The following MOB3B variants were observed in gnomAD, a reference collection of about 807,000 sequenced individuals.
MOB3B encodes MOB kinase activator 3B.
Under a neutral mutation model 18.7 loss-of-function variants are expected in MOB3B, and 7 were observed. The ratio of observed to expected loss-of-function variants is 0.37; its 90% CI spans 0.21 to 0.70. MOB3B has a LOEUF of 0.70. Ranked by LOEUF, MOB3B falls within the 30% of genes least tolerant of loss-of-function variation. The pLI, the probability that MOB3B is intolerant of heterozygous loss-of-function variation, is 0.52. For missense variants in MOB3B, 253 were observed against 281.3 expected (o/e 0.90, Z 0.72); for synonymous variants, 111 against 99.9 (o/e 1.11, Z -0.66).
intron 2 of MOB3B, among the ~76,000 whole-genome samples, chr9:27,389,605 ATTCTGTCTTTATT>A (rs1226586433): frequency 6.6e-6 from 1 of 152,006 alleles, no homozygotes; most frequent in Admixed American, 6.5e-5. Flanking sequence ...CACTAGTTGT[ATTCTGTCTTTATT>A]TTCTAGCTTC....
chr9:27,415,518 T>A (rs1243032807), intron 2 of MOB3B, among the ~76,000 whole-genome samples: 1 of 152,202 alleles, frequency 6.6e-6, no homozygotes, highest in Non-Finnish European at 1.5e-5. Flanking sequence ...CCATTCATTA[T>A]TCTTCTCTGT....
chr9:27,357,697 T>C (rs1821211976), intron 3 of MOB3B, among the ~76,000 whole-genome samples: 1 of 151,184 alleles, frequency 6.6e-6, no homozygotes, highest in Non-Finnish European at 1.5e-5. Context: ...TTGGGATGAG[T>C]ATAACAAATT....
chr9:27,508,047 G>T (rs1260765881), intron 1 of MOB3B, among the ~76,000 whole-genome samples: 1 of 152,152 alleles, frequency 6.6e-6, no homozygotes, highest in African/African-American at 2.4e-5. Flanking sequence ...GGTACCAATA[G>T]TGAATTGCTA....
chr9:27,434,385 T>G (rs1181257026), intron 2 of MOB3B, among the ~76,000 whole-genome samples: 2 of 152,134 alleles, frequency 1.3e-5, no homozygotes, highest in Non-Finnish European at 2.9e-5. Flanking sequence ...TTACCAACAA[T>G]TCCCCTTTCT....
At chr9:27,525,031 T>G in intron 1 of MOB3B, 1 of 1,295,996 alleles carries the variant, frequency 7.7e-7, no homozygotes, top group Non-Finnish European at 1.0e-6. Flanking sequence ...CCAACTTCTT[T>G]TTAAGGATTG....
intron 2 of MOB3B, among the ~76,000 whole-genome samples, chr9:27,359,800 G>A (rs1463762426): frequency 6.6e-6 from 1 of 152,174 alleles, no homozygotes; most frequent in African/African-American, 2.4e-5. Flanking sequence ...GAAAGGGTGA[G>A]TGGTCATCGA....
At chr9:27,514,843 C>T (rs866163389) in intron 1 of MOB3B, among the ~76,000 whole-genome samples, 12 of 152,222 alleles carry the variant, frequency 7.9e-5, no homozygotes, top group African/African-American at 2.9e-4. Flanking sequence ...GCAGCCTACA[C>T]AGAGGGAAGT....
chr9:27,471,947 A>C (rs771716455), intron 1 of MOB3B, among the ~76,000 whole-genome samples: 5 of 152,216 alleles, frequency 3.3e-5, no homozygotes, highest in Admixed American at 6.5e-5. Flanking sequence ...GTAGGCCAGA[A>C]AGAATCATCC....
At chr9:27,384,990 CA>C in intron 2 of MOB3B, among the ~76,000 whole-genome samples, 1 of 152,286 alleles carries the variant, frequency 6.6e-6, no homozygotes, top group Non-Finnish European at 1.5e-5. Context: ...CAAGAGGAAG[CA>C]GGATGAACAT....
Position 27,471,502 on chromosome 9 carries a change from G to T in MOB3B, c.-198-15754C>A, listed in dbSNP as rs140479225. 3.5e-3 allele frequency among the ~76,000 whole-genome samples: 534 copies of T among 152,238 alleles called. 2 individuals are homozygous for T. The highest frequency in any genetic ancestry group is 4.1e-3 in the Non-Finnish European group (277 of 68,022). On this transcript the variant is annotated intron_variant, in intron 1 of 3. Transcript: ENST00000262244. ...CTGGTCGTTAAGTAAATGGATCTGA[G>T]ATCAGACTGCCCGATTTTGACTCCC... is the stretch of plus-strand genomic sequence containing the variant.
At chr9:27,449,823 T>C (rs367785925) in intron 2 of MOB3B, among the ~76,000 whole-genome samples, 16 of 151,430 alleles carry the variant, frequency 1.1e-4, no homozygotes, top group African/African-American at 2.2e-4. Flanking sequence ...TAAAAAAATA[T>C]AAAAATCAAC....
In MOB3B at chr9:27,454,413, C is replaced by T. The variant is rs893676964; in HGVS notation, c.418+720G>A. 3.3e-5 allele frequency among the ~76,000 whole-genome samples: 5 copies of T among 152,170 alleles called. No homozygotes were observed. The South Asian group carries it at 8.3e-4, about 25-fold the overall frequency. On this transcript the variant is annotated intron_variant, in intron 2 of 3. Coordinates refer to ENST00000262244, the MANE Select transcript of MOB3B (RefSeq NM_024761.5). Reference sequence around the variant, plus strand: ...AGATTGCGGATTCCTATTCAGCCTACGGCATAAAACACTAAATTCTAAATT... The same window carrying T: ...AGATTGCGGATTCCTATTCAGCCTATGGCATAAAACACTAAATTCTAAATT...
At chr9:27,332,894 A>G (rs1571649) in intron 3 of MOB3B, among the ~76,000 whole-genome samples, 62,897 of 152,050 alleles carry the variant, frequency 0.41, 14,001 homozygotes, top group Middle Eastern at 0.55. Flanking sequence ...TTGTAGGTTA[A>G]AGCCTCTAAG....
At chr9:27,481,506 T>G (rs1255405356) in intron 1 of MOB3B, among the ~76,000 whole-genome samples, 1 of 54,552 alleles carries the variant, frequency 1.8e-5, no homozygotes, top group East Asian at 7.4e-4. Context: ...AGTTTTTTTT[T>G]TTTTGTTTTT....
At chr9:27,416,042 T>C (rs533603718) in intron 2 of MOB3B, among the ~76,000 whole-genome samples, 32 of 152,356 alleles carry the variant, frequency 2.1e-4, no homozygotes, top group African/African-American at 7.0e-4. Flanking sequence ...GGGCTTGCAA[T>C]ATGTTTTTGT....
In MOB3B at chr9:27,405,333, C is replaced by A. The variant is rs182853976; in HGVS notation, c.419-46097G>T. On this transcript the variant is annotated intron_variant, in intron 2 of 3. Transcript: ENST00000262244. The stretch of plus-strand genomic sequence containing the variant: ...ATATTGGCTAGTCTGGTCTTGAAAT[C>A]CTGACCTCATGATCAGCCTGCCTTG... 6.4e-3 allele frequency among the ~76,000 whole-genome samples: 974 copies of A among 151,926 alleles called. 7 individuals carry two copies. The highest frequency in any genetic ancestry group is 9.6e-3 in the Non-Finnish European group (652 of 67,946).
intron 2 of MOB3B, among the ~76,000 whole-genome samples, chr9:27,395,581 G>A (rs1018607210): frequency 2.0e-5 from 3 of 152,172 alleles, no homozygotes; most frequent in African/African-American, 7.2e-5. Context: ...CTTATTGCAG[G>A]CATCAACAGG....
At chr9:27,385,352 C>T (rs539220180) in intron 2 of MOB3B, among the ~76,000 whole-genome samples, 1 of 152,080 alleles carries the variant, frequency 6.6e-6, no homozygotes, top group Non-Finnish European at 1.5e-5. Flanking sequence ...TACGAGGTAA[C>T]CATGAGACAG....
chr9:27,365,622 A>G (rs1169687209), intron 2 of MOB3B, among the ~76,000 whole-genome samples: 2 of 152,210 alleles, frequency 1.3e-5, no homozygotes, highest in African/African-American at 4.8e-5. Flanking sequence ...TTTGCAATCA[A>G]TAATTGAGAC....
Sources: allele counts gnomAD v4.1 joint callset (sites outside exome capture counted in the v4.1 genomes callset), GRCh38; gene constraint gnomAD v4.1.1; transcripts MANE v1.5; gene names NCBI Gene and HGNC (gene_info 2026-07-23, HGNC 2026-07-21).